Variants in TMEM217 observed in about 807,000 individuals in gnomAD.
TMEM217 encodes chromosome 6 open reading frame 128.
For synonymous variants in TMEM217, 76 were observed against 88.3 expected, an observed-to-expected ratio of 0.86 and a Z score of 0.78; for missense variants, 204 against 248.8, an observed-to-expected ratio of 0.82 and a Z score of 1.21.
At chr6:37,225,784 T>C (rs949430220) in intron 1 of TMEM217, among the ~76,000 whole-genome samples, 6 of 152,208 alleles carry the variant, frequency 3.9e-5, no homozygotes, top group African/African-American at 1.4e-4. Flanking sequence ...CCTTGCTGAT[T>C]TGTGTGGCCC....
chr6:37,237,131 C>T (rs1764547794), intron 1 of TMEM217, among the ~76,000 whole-genome samples: 1 of 152,122 alleles, frequency 6.6e-6, no homozygotes, highest in Admixed American at 6.5e-5. Context: ...TCACCAAGGC[C>T]ATATTCAAGG....
intron 1 of TMEM217, among the ~76,000 whole-genome samples, chr6:37,251,007 A>G (rs1255851288): frequency 2.6e-5 from 4 of 152,214 alleles, no homozygotes; most frequent in African/African-American, 9.6e-5. Context: ...AGGGGCTCCA[A>G]AGAGCTGCCT....
rs78922836 is a variant in TMEM217 at position 37,226,941 on chromosome 6, T to A, written c.-11-7900A>T. On this transcript the variant is annotated intron_variant, in intron 1 of 1. Transcript: ENST00000357219. ...TTATGACATATTTTATTATATATTG[T>A]CTTAAATTGTTATTTAAATATTTTA... Among the ~76,000 whole-genome samples the A allele has an allele frequency of 8.3e-3, 1,270 of 152,362 alleles. 8 individuals carry two copies. Among genetic ancestry groups the A allele is most frequent in the Non-Finnish European group, 0.013 (892 of 68,034 alleles).
At chr6:37,242,845 C>CA (rs1764841380) in intron 1 of TMEM217, among the ~76,000 whole-genome samples, 1 of 152,190 alleles carries the variant, frequency 6.6e-6, no homozygotes, top group Admixed American at 6.5e-5. Flanking sequence ...CCCAGTGACT[C>CA]ACACCAGTAT....
chr6:37,254,339 C>G (rs188133230), intron 1 of TMEM217, among the ~76,000 whole-genome samples: 178 of 152,300 alleles, frequency 1.2e-3, no homozygotes, highest in African/African-American at 3.9e-3. Context: ...AACCTCAAAC[C>G]AATGATTTAC....
chr6:37,224,667 G>C (rs1029446117), intron 1 of TMEM217, among the ~76,000 whole-genome samples: 10 of 151,830 alleles, frequency 6.6e-5, no homozygotes, highest in African/African-American at 2.4e-4. Context: ...TGTTACCCAG[G>C]CTGGTCTCAA....
At chr6:37,215,079 G>A, downstream of TMEM217, 3 of 1,352,110 alleles carry the variant, frequency 2.2e-6, no homozygotes, top group Non-Finnish European at 3.0e-6. Context: ...CAGCTCTGCT[G>A]CCCCAGCCTT....
At chr6:37,233,038 C>T (rs1764289109) in intron 1 of TMEM217, among the ~76,000 whole-genome samples, 1 of 152,216 alleles carries the variant, frequency 6.6e-6, no homozygotes, top group Non-Finnish European at 1.5e-5. Flanking sequence ...ACACTGGTGA[C>T]TCCCAATCCA....
downstream of TMEM217, among the ~76,000 whole-genome samples, chr6:37,215,570 C>CAAAAAAAAAAAAAAAAAAAA (rs34808595): frequency 2.9e-4 from 21 of 72,368 alleles, no homozygotes; most frequent in African/African-American, 9.6e-4. Context: ...GACTCTGTCT[C>CAAAAAAAAAAAAAAAAAAAA]AAAAAAAAAA....
chr6:37,237,626 C>T (rs183811754), intron 1 of TMEM217, among the ~76,000 whole-genome samples: 106 of 152,252 alleles, frequency 7.0e-4, no homozygotes, highest in African/African-American at 2.2e-3. Flanking sequence ...GTTATAGGCA[C>T]TTCAGTAAAG....
intron 1 of TMEM217, among the ~76,000 whole-genome samples, chr6:37,229,419 T>C (rs573794998): frequency 2.1e-5 from 3 of 140,590 alleles, no homozygotes; most frequent in African/African-American, 7.9e-5. Context: ...CTCGGCTCAC[T>C]GCAAGCTCCG....
At chr6:37,224,576 T>A (rs1763707791) in intron 1 of TMEM217, among the ~76,000 whole-genome samples, 1 of 150,934 alleles carries the variant, frequency 6.6e-6, no homozygotes, top group Non-Finnish European at 1.5e-5. Flanking sequence ...CCAGGCTGGG[T>A]GACAGAGCGA....
chr6:37,251,142 G>C (rs1234522970), intron 1 of TMEM217, among the ~76,000 whole-genome samples: 5 of 152,186 alleles, frequency 3.3e-5, no homozygotes, highest in Admixed American at 1.3e-4. Flanking sequence ...AGAACTGTGA[G>C]AAATAAATGT....
At chr6:37,249,402 C>T (rs1372996685) in intron 1 of TMEM217, among the ~76,000 whole-genome samples, 2 of 152,144 alleles carry the variant, frequency 1.3e-5, no homozygotes, top group Non-Finnish European at 2.9e-5. Flanking sequence ...TCACTGCAAC[C>T]TCCACTTTCC....
At chr6:37,242,636 T>G (rs1241591803) in intron 1 of TMEM217, among the ~76,000 whole-genome samples, 3 of 152,246 alleles carry the variant, frequency 2.0e-5, no homozygotes, top group Non-Finnish European at 4.4e-5. Flanking sequence ...CCTCATGATC[T>G]GACTGGGACC....
exon 2 of TMEM217, chr6:37,218,005 T>G: frequency 1.0e-6 from 1 of 991,004 alleles, no homozygotes. Context: ...TTTCTCTTCA[T>G]GTTCTCCTGA....
chr6:37,232,727 T>C (rs1764273855), intron 1 of TMEM217, among the ~76,000 whole-genome samples: 1 of 152,236 alleles, frequency 6.6e-6, no homozygotes, highest in African/African-American at 2.4e-5. Context: ...CCTGTTGTTA[T>C]CTCTGTTCCA....
chr6:37,227,469 C>T (rs914675342), intron 1 of TMEM217, among the ~76,000 whole-genome samples: 16 of 152,196 alleles, frequency 1.1e-4, no homozygotes, highest in African/African-American at 1.7e-4. Flanking sequence ...TTGTTTGAGA[C>T]GGAGTCTCGC....
chr6:37,217,701 G>T, exon 2 of TMEM217: 9 of 985,210 alleles, frequency 9.1e-6, no homozygotes, highest in Non-Finnish European at 1.1e-5. Flanking sequence ...ACACAGTGGG[G>T]AAATCATAGC....
Sources: allele counts gnomAD v4.1 joint callset (sites outside exome capture counted in the v4.1 genomes callset), GRCh38; gene constraint gnomAD v4.1.1; transcripts MANE v1.5; gene names NCBI Gene and HGNC (gene_info 2026-07-23, HGNC 2026-07-21).